The following ABCA13 variants were observed in gnomAD, a reference collection of about 807,000 sequenced individuals.
ABCA13 encodes ATP binding cassette subfamily A member 13, also known as ATP-binding cassette sub-family A member 13.
ABCA13 carries 476 observed loss-of-function variants against 478.7 expected under a neutral mutation model. That is an observed-to-expected ratio of 0.99 (90% CI 0.92 to 1.07). The LOEUF (loss-of-function observed/expected upper bound fraction) is 1.07, where lower values mean the gene tolerates loss of function less well. ABCA13 is among the 50% of genes least tolerant of loss of function. ABCA13 has a pLI of 0.00. For missense variants in ABCA13, 6,060 were observed against 5,910.6 expected (o/e 1.03, Z -0.83); for synonymous variants, 2,252 against 2,158.9 (o/e 1.04, Z -1.20).
At chr7:48,618,820 T>G (rs1349161941) in intron 59 of ABCA13, among the ~76,000 whole-genome samples, 2 of 152,186 alleles carry the variant, frequency 1.3e-5, no homozygotes, top group Non-Finnish European at 2.9e-5. Flanking sequence ...TGATGTGTGC[T>G]CTGGGTCAGC....
chr7:48,597,157 A>T (rs1478252619), intron 58 of ABCA13, among the ~76,000 whole-genome samples: 1 of 151,978 alleles, frequency 6.6e-6, no homozygotes, highest in Non-Finnish European at 1.5e-5. Flanking sequence ...TCACCGTGTT[A>T]GCCAGGATGG....
At chr7:48,437,466 A>G (rs1262081898) in intron 42 of ABCA13, among the ~76,000 whole-genome samples, 2 of 152,036 alleles carry the variant, frequency 1.3e-5, no homozygotes, top group Non-Finnish European at 2.9e-5. Flanking sequence ...TTTTTAGTCA[A>G]TGCTGCCAAT....
chr7:48,248,004 C>A (rs953396684), intron 13 of ABCA13, among the ~76,000 whole-genome samples: 1 of 152,146 alleles, frequency 6.6e-6, no homozygotes, highest in Non-Finnish European at 1.5e-5. Context: ...GACACTGAGT[C>A]CCATCCTACT....
At chr7:48,286,522 T>C (rs1562969388) in intron 19 of ABCA13, among the ~76,000 whole-genome samples, 1 of 151,482 alleles carries the variant, frequency 6.6e-6, no homozygotes, top group African/African-American at 2.4e-5. Context: ...CTTCCTTTTT[T>C]CAGACAGAGT....
At chr7:48,467,359 G>T (rs1039302542) in intron 44 of ABCA13, among the ~76,000 whole-genome samples, 4 of 152,042 alleles carry the variant, frequency 2.6e-5, no homozygotes, top group African/African-American at 9.7e-5. Context: ...GAATGAAGTA[G>T]GAATTAAGTC....
At chr7:48,195,360 T>C (rs935798491) in intron 2 of ABCA13, among the ~76,000 whole-genome samples, 3 of 152,126 alleles carry the variant, frequency 2.0e-5, no homozygotes, top group Non-Finnish European at 4.4e-5. Context: ...AGAGCAACAC[T>C]AGAGAAGGCA....
Position 48,298,370 on chromosome 7 carries a change from A to T in ABCA13, c.9204A>T (p.Val3068=). The T allele has an allele frequency of 1.9e-6, 3 of 1,606,008 alleles. No individual in the cohort carries two copies. The highest frequency in any genetic ancestry group is 2.5e-6 in the Non-Finnish European group (3 of 1,176,988). Reference sequence around the variant, plus strand: ...CTTATTTTCCTTACTTTGCAGATGTAAAAATAAAAGATTTGATGAAGAATA... The same window carrying T: ...CTTATTTTCCTTACTTTGCAGATGTTAAAATAAAAGATTTGATGAAGAATA... The part of the protein sequence containing the change: ...FLSNFTVTED[V]KIKDLMKNIT... Residue 3068 remains valine, a synonymous_variant, in exon 23 of 62, where the codon GTA becomes GTT. Transcript: ENST00000435803.
chr7:48,240,375 T>A (rs6948966), intron 9 of ABCA13, among the ~76,000 whole-genome samples: 24,626 of 152,098 alleles, frequency 0.16, 2,336 homozygotes, highest in African/African-American at 0.28. Flanking sequence ...CTCCATGCCA[T>A]CAGGCTTGGG....
intron 38 of ABCA13, among the ~76,000 whole-genome samples, chr7:48,394,450 C>T (rs1471516234): frequency 6.6e-6 from 1 of 152,164 alleles, no homozygotes; most frequent in African/African-American, 2.4e-5. Flanking sequence ...ACCATCTTAC[C>T]AGAGCAGACT....
At chr7:48,556,573 C>A (rs1013295759) in intron 55 of ABCA13, among the ~76,000 whole-genome samples, 2 of 151,868 alleles carry the variant, frequency 1.3e-5, no homozygotes, top group Non-Finnish European at 2.9e-5. Context: ...TTTGTCTCTT[C>A]TTATGGATTT....
chr7:48,580,193 T>C (rs1252008373), intron 55 of ABCA13, 31 bp from the exon 56 acceptor site: 1 of 1,565,662 alleles, frequency 6.4e-7, no homozygotes, highest in Non-Finnish European at 8.6e-7. Context: ...GGGAAACTGC[T>C]GTTCTCAGCC....
chr7:48,283,094 G>A (rs2128787712), intron 19 of ABCA13, among the ~76,000 whole-genome samples: 1 of 152,244 alleles, frequency 6.6e-6, no homozygotes, highest in Non-Finnish European at 1.5e-5. Context: ...AGCAAACTGT[G>A]GGGGCCTGGG....
At chr7:48,321,836 G>A (rs1347507372) in intron 27 of ABCA13, among the ~76,000 whole-genome samples, 1 of 152,162 alleles carries the variant, frequency 6.6e-6, no homozygotes, top group Non-Finnish European at 1.5e-5. Flanking sequence ...GATGTGGGCT[G>A]GGCAGGCCAG....
intron 2 of ABCA13, among the ~76,000 whole-genome samples, chr7:48,195,406 G>A (rs1342970815): frequency 6.6e-6 from 1 of 152,216 alleles, no homozygotes; most frequent in African/African-American, 2.4e-5. Context: ...AACCAGGCAA[G>A]AGATGGTTGT....
Position 48,279,869 on chromosome 7 carries a change from G to C in ABCA13, c.8675G>C (p.Gly2892Ala). The C allele has an allele frequency of 1.3e-6, 2 of 1,546,566 alleles. No individual in the cohort carries two copies. Among genetic ancestry groups the C allele is most frequent in the Non-Finnish European group, 1.7e-6 (2 of 1,152,014 alleles). ...TTCTGTTTGGAGAAATACCTGGGAG[G>C]ATTATTTGTATTGACTAAATACTGG... ...PFFCLEKYLG[G>A]LFVLTKYWQQ... Residue 2892 changes from glycine to alanine, a missense_variant, in exon 18 of 62, where the codon GGA becomes GCA. Physicochemically the swap from Gly to Ala is moderately conservative, Grantham distance 60. This residue lies in a region of ABCA13 where 4,423 missense variants were observed against 4,309.1 expected (regional missense o/e 1.03). Transcript: ENST00000435803.
rs185372168 is a variant in ABCA13 at position 48,304,706 on chromosome 7, C to A, written c.9322-5241C>A. Among the ~76,000 whole-genome samples the A allele has an allele frequency of 8.6e-3, 1,302 of 152,264 alleles. 82 individuals carry two copies. Among genetic ancestry groups the A allele is most frequent in the Admixed American group, 0.082 (1,261 of 15,290 alleles). On this transcript the variant is annotated intron_variant, in intron 23 of 61. Coordinates refer to ENST00000435803, the MANE Select transcript of ABCA13 (RefSeq NM_152701.5). ...CCTGGGTGATGTGATGGTTCATACACCAAACCTCAGCAACACACAATTTAC... is the reference window on the plus strand; with the variant it reads ...CCTGGGTGATGTGATGGTTCATACAACAAACCTCAGCAACACACAATTTAC...
chr7:48,442,915 CTG>C (rs1049247066), intron 42 of ABCA13, among the ~76,000 whole-genome samples: 2 of 152,184 alleles, frequency 1.3e-5, no homozygotes, highest in African/African-American at 4.8e-5. Context: ...ACGGACTGAA[CTG>C]TGTTCCCTGT....
intron 10 of ABCA13, among the ~76,000 whole-genome samples, chr7:48,241,640 C>T (rs1316653666): frequency 6.6e-6 from 1 of 152,104 alleles, no homozygotes; most frequent in Admixed American, 6.6e-5. Context: ...TCTTATTATC[C>T]TTCTGAAGTT....
chr7:48,365,576 T>A (rs1459008784), intron 31 of ABCA13, among the ~76,000 whole-genome samples: 1 of 152,164 alleles, frequency 6.6e-6, no homozygotes, highest in African/African-American at 2.4e-5. Context: ...TTTAATCTAT[T>A]TAGAGTTGAT....
Sources: allele counts gnomAD v4.1 joint callset (sites outside exome capture counted in the v4.1 genomes callset), GRCh38; gene constraint gnomAD v4.1.1; regional missense constraint gnomAD v4.1.1; transcripts MANE v1.5; gene names NCBI Gene and HGNC (gene_info 2026-07-23, HGNC 2026-07-21).